The following DNAH10 variants were observed in gnomAD, a reference collection of about 807,000 sequenced individuals.
The protein encoded by DNAH10 is axonemal beta dynein heavy chain 10.
A neutral mutation model predicts 506.6 loss-of-function variants in DNAH10; 348 were observed. The observed-to-expected ratio is 0.69, with a 90% CI of 0.63 to 0.75. DNAH10 has a LOEUF of 0.75. Among genes scored for constraint, DNAH10 ranks in the 30% least tolerant of loss-of-function variants. DNAH10 has a pLI of 0.00. For missense variants in DNAH10, 5,179 were observed against 5,787.1 expected (o/e 0.89, Z 3.41); for synonymous variants, 2,059 against 2,198.6 (o/e 0.94, Z 1.78).
chr12:123,830,729 A>G (rs772014477), intron 26 of DNAH10, 30 bp downstream of exon 26: 1 of 1,567,342 alleles, frequency 6.4e-7, no homozygotes, highest in South Asian at 1.2e-5. Flanking sequence ...CAGGCTGGAG[A>G]AAACAGTCTT....
chr12:123,818,108 C>T (rs938607611), intron 21 of DNAH10, among the ~76,000 whole-genome samples: 5 of 151,902 alleles, frequency 3.3e-5, no homozygotes, highest in African/African-American at 1.2e-4. Context: ...GCCACCACCC[C>T]AGCTAATTTT....
chr12:123,806,931 C>A (rs1958698287), intron 18 of DNAH10, among the ~76,000 whole-genome samples: 1 of 152,124 alleles, frequency 6.6e-6, no homozygotes, highest in Non-Finnish European at 1.5e-5. Flanking sequence ...TCACGCCCAG[C>A]TAATTCTTTT....
intron 25 of DNAH10, among the ~76,000 whole-genome samples, chr12:123,828,622 T>C (rs1960226818): frequency 6.6e-6 from 1 of 152,226 alleles, no homozygotes; most frequent in African/African-American, 2.4e-5. Flanking sequence ...TCCACTGTTT[T>C]ACTGGGACCC....
intron 5 of DNAH10, among the ~76,000 whole-genome samples, chr12:123,775,807 G>T (rs1957417622): frequency 6.6e-6 from 1 of 152,174 alleles, no homozygotes; most frequent in Non-Finnish European, 1.5e-5. Flanking sequence ...AGCCCAGGTG[G>T]AGGGCTGTAT....
At chr12:123,777,540 G>C (rs1436304245) in intron 5 of DNAH10, among the ~76,000 whole-genome samples, 1 of 152,232 alleles carries the variant, frequency 6.6e-6, no homozygotes, top group Admixed American at 6.5e-5. Flanking sequence ...CTGCACACAA[G>C]GGACTTTCTA....
chr12:123,781,147 A>G lies in DNAH10; in HGVS notation c.689A>G (p.Glu230Gly), dbSNP rs771470486. ...ACAACCGTGGGAGTCACATCTGGAG[A>G]AGTCTCTAATTCCTCTGAGCATGAA... is the stretch of plus-strand genomic sequence containing the variant. ...TSTTVGVTSGEVSNSSEHESD... is the reference protein window; with the variant it reads ...TSTTVGVTSGGVSNSSEHESD... Residue 230 changes from glutamate (E) to glycine (G), a missense_variant, in exon 6 of 79, where the codon GAA (glutamate) becomes GGA (glycine). Coordinates refer to ENST00000673944, the MANE Select transcript of DNAH10 (RefSeq NM_001372106.1). 27 of 1,613,972 alleles carry G rather than the reference A, an allele frequency of 1.7e-5. No homozygotes were observed. In the South Asian group the frequency reaches 3.0e-4, roughly 18 times the overall value.
At chr12:123,793,114 T>C (rs1036103991) in intron 11 of DNAH10, among the ~76,000 whole-genome samples, 3 of 152,108 alleles carry the variant, frequency 2.0e-5, no homozygotes, top group Non-Finnish European at 1.5e-5. Flanking sequence ...CACTCTTTTA[T>C]AGAATGGAGT....
At chr12:123,867,434 C>G (rs760215998) in intron 41 of DNAH10, 33 bp from the exon 42 acceptor site, 20 of 1,598,436 alleles carry the variant, frequency 1.3e-5, no homozygotes, top group Non-Finnish European at 1.6e-5. Flanking sequence ...TAAACAAACC[C>G]TTGAAATGCT....
At chr12:123,820,048 CA>C (rs1010143465) in intron 23 of DNAH10, among the ~76,000 whole-genome samples, 7 of 151,498 alleles carry the variant, frequency 4.6e-5, no homozygotes, top group African/African-American at 7.3e-5. Context: ...TACCATGAGA[CA>C]AAAAAAATAC....
rs766543416 is a variant in DNAH10 at position 123,879,674 on chromosome 12, A to G, written c.8507A>G (p.Lys2836Arg). The G allele has an allele frequency of 3.1e-6, 5 of 1,613,912 alleles. No homozygotes were observed. Among genetic ancestry groups the G allele is most frequent in the Non-Finnish European group, 3.4e-6 (4 of 1,179,912 alleles). ...HIGSLVVEHFKDDVEVVMRDP... is the reference protein window; with the variant it reads ...HIGSLVVEHFRDDVEVVMRDP... ...GGCAGCTTGGTTGTGGAACATTTTA[A>G]AGATGACGTGGAGGTGGTGATGAGG... The change falls in exon 50 of 79, where the codon AAA (lysine) becomes AGA (arginine). Residue 2836 changes from lysine to arginine, a missense_variant. Transcript: ENST00000673944.
At chr12:123,771,068 C>G (rs567272255) in intron 2 of DNAH10, among the ~76,000 whole-genome samples, 74 of 149,932 alleles carry the variant, frequency 4.9e-4, no homozygotes, top group African/African-American at 1.8e-3. Flanking sequence ...CTCCTGGCCT[C>G]AAGCGATTCT....
chr12:123,904,967 A>C (rs1336335117), intron 57 of DNAH10, among the ~76,000 whole-genome samples: 1 of 152,046 alleles, frequency 6.6e-6, no homozygotes, highest in Non-Finnish European at 1.5e-5. Context: ...TCTCATATAC[A>C]CTTCCTGAGG....
At chr12:123,839,479 T>TAG (rs1194050436) in intron 29 of DNAH10, among the ~76,000 whole-genome samples, 1 of 152,134 alleles carries the variant, frequency 6.6e-6, no homozygotes, top group African/African-American at 2.4e-5. Context: ...GAGTTACTAT[T>TAG]TATAAAGTAC....
chr12:123,898,664 C>T lies in DNAH10; in HGVS notation c.9490C>T (p.Arg3164Cys), dbSNP rs1380037462. The T allele has an allele frequency of 2.5e-6, 4 of 1,583,354 alleles. No homozygotes were observed. The highest frequency in any genetic ancestry group is 2.3e-5 in the East Asian group (1 of 43,258). Residue 3164 changes from arginine to cysteine, a missense_variant, in exon 56 of 79, where the codon CGT becomes TGT. By Grantham distance (180) the Arg-to-Cys change is radical. Coordinates refer to ENST00000673944, the MANE Select transcript of DNAH10 (RefSeq NM_001372106.1). Reference protein sequence around the residue: ...KTQCNIAQCKRLDGGLDKLKE... With the variant: ...KTQCNIAQCKCLDGGLDKLKE... ...CCCTCTTTCCTCAGCTCAGTGCAAG[C>T]GTCTGGATGGGGGACTGGACAAGCT...
Position 123,850,472 on chromosome 12 carries a change from C to T in DNAH10, c.6103-416C>T, listed in dbSNP as rs1044376998. ...GCGCTGTGTGAGGTGGTGGGCTGGGCGCTCCCAACCTGGGCTGTCTCCTTT... is the reference window on the plus strand; with the variant it reads ...GCGCTGTGTGAGGTGGTGGGCTGGGTGCTCCCAACCTGGGCTGTCTCCTTT... On this transcript the variant is annotated intron_variant, in intron 34 of 78. Coordinates refer to ENST00000673944, the MANE Select transcript of DNAH10 (RefSeq NM_001372106.1). The surrounding 1 kb of genome is among the most constrained non-coding windows in gnomAD (Gnocchi z 5.5). Among the ~76,000 whole-genome samples, 6 of 152,102 alleles carry T rather than the reference C, an allele frequency of 3.9e-5. No homozygotes were observed. The highest frequency in any genetic ancestry group is 4.4e-5 in the Non-Finnish European group (3 of 68,018).
At chr12:123,859,299 C>T (rs1321476901) in intron 38 of DNAH10, 31 bp downstream of exon 38, 1 of 1,509,962 alleles carries the variant, frequency 6.6e-7, no homozygotes, top group East Asian at 2.4e-5. Flanking sequence ...GAGGGCCTGG[C>T]TGCCACAGGG....
rs773836980 is a variant in DNAH10, at chr12:123,865,989, T to G, written c.7083T>G (p.Ser2361=). 173 of 1,610,582 alleles carry G rather than the reference T, an allele frequency of 1.1e-4. No homozygotes were observed. The highest frequency in any genetic ancestry group is 1.4e-4 in the Non-Finnish European group (165 of 1,179,032). ...AGTATGCCTCCCCTGCAACTGTCTCTCGATGTGGAATGGTTTATGTGGATC... is the reference window on the plus strand; with the variant it reads ...AGTATGCCTCCCCTGCAACTGTCTCGCGATGTGGAATGGTTTATGTGGATC... ...DLQYASPATV[S]RCGMVYVDPK... Residue 2361 remains serine (S), a synonymous_variant, in exon 41 of 79, where the codon TCT becomes TCG. Transcript: ENST00000673944.
rs199896996 is a variant in DNAH10, at chr12:123,799,405, C to T, written c.2289+34C>T. 158 of 1,598,812 alleles carry T rather than the reference C, an allele frequency of 9.9e-5. 1 individual carries two copies. The Middle Eastern group carries it at 1.2e-3, about 12-fold the overall frequency. ...CCCACGCCCTCATTCCCGATTGCCG[C>T]GTGAGACGATGGCGTCTGCCACATT... On this transcript the variant is annotated intron_variant, in intron 14 of 78. Coordinates refer to ENST00000673944, the MANE Select transcript of DNAH10 (RefSeq NM_001372106.1).
chr12:123,864,824 T>G, intron 40 of DNAH10, 94 bp downstream of exon 40: 1 of 1,430,118 alleles, frequency 7.0e-7, no homozygotes, highest in East Asian at 2.5e-5. Context: ...TAGATGATTA[T>G]TTAAAAACAA....
Sources: allele counts gnomAD v4.1 joint callset (sites outside exome capture counted in the v4.1 genomes callset), GRCh38; gene constraint gnomAD v4.1.1; non-coding constraint Gnocchi (gnomAD v3.1); transcripts MANE v1.5; gene names NCBI Gene and HGNC (gene_info 2026-07-23, HGNC 2026-07-21).